The following RORA variants were observed in gnomAD, a reference collection of about 807,000 sequenced individuals.
RORA encodes the protein nuclear receptor ROR-alpha.
A neutral mutation model predicts 69.5 loss-of-function variants in RORA; 7 were observed. The observed-to-expected ratio is 0.10, with a 90% CI of 0.06 to 0.19. The LOEUF is 0.19. Among genes scored for constraint, RORA ranks in the 10% least tolerant of loss-of-function variants. The probability of loss-of-function intolerance (pLI) is 1.00; values close to 1 mark genes in which losing one functional copy is unlikely to be tolerated. For synonymous variants in RORA, 261 were observed against 240.8 expected (o/e 1.08, Z -0.78); for missense variants, 457 against 663.0 (o/e 0.69, Z 3.41).
Position 60,492,513 on chromosome 15 carries a change from A to G in RORA, c.*4942T>C, listed in dbSNP as rs551835779. 1 of 152,266 alleles carries G rather than the reference A, an allele frequency of 6.6e-6. No homozygotes were observed. The highest frequency in any genetic ancestry group is 1.5e-5 in the Non-Finnish European group (1 of 68,002). 9.4% of individuals were successfully genotyped at this position (152,266 alleles called of 1,614,324 possible). On this transcript the variant is annotated 3_prime_UTR_variant, in exon 11 of 11. Transcript: ENST00000335670. ...ACAATAGTTAATTGCTGGTATTTTAAAAACATATTTCATCTTTTACCTATA... is the reference window on the plus strand; with the variant it reads ...ACAATAGTTAATTGCTGGTATTTTAGAAACATATTTCATCTTTTACCTATA...
chr15:61,209,738 T>C (rs543929248), intron 1 of RORA, among the ~76,000 whole-genome samples: 38 of 152,336 alleles, frequency 2.5e-4, no homozygotes, highest in African/African-American at 8.7e-4. Flanking sequence ...TATAACTCAT[T>C]ACAGTGATCA....
intron 2 of RORA, among the ~76,000 whole-genome samples, chr15:60,598,896 C>G (rs2068755909): frequency 6.6e-6 from 1 of 152,176 alleles, no homozygotes; most frequent in Admixed American, 6.5e-5. Flanking sequence ...AGAGAAAGTT[C>G]TCATCCAATG....
In RORA at chr15:60,977,140, G is replaced by A. The variant is rs558234489; in HGVS notation, c.166+251913C>T. 1.8e-3 allele frequency among the ~76,000 whole-genome samples: 262 copies of A among 148,914 alleles called. 3 individuals carry two copies. The highest frequency in any genetic ancestry group is 0.014 in the South Asian group (66 of 4,726). On this transcript the variant is annotated intron_variant, in intron 1 of 10. Transcript: ENST00000335670. ...GAAAAAAAAAAAAAAAACCTATAGC[G>A]CCACCAACAATTAAATTATAAGATT...
chr15:61,115,638 A>G (rs1232991018), intron 1 of RORA, among the ~76,000 whole-genome samples: 1 of 152,190 alleles, frequency 6.6e-6, no homozygotes, highest in Non-Finnish European at 1.5e-5. Flanking sequence ...CTGGGAAGGA[A>G]AATGCCTCAG....
rs114088244 is a variant in RORA at position 61,201,291 on chromosome 15, G to A, written c.166+27762C>T. Among the ~76,000 whole-genome samples, 611 of 152,298 alleles carry A rather than the reference G, an allele frequency of 4.0e-3. 1 individual carries two copies. Among genetic ancestry groups the A allele is most frequent in the African/African-American group, 0.014 (593 of 41,554 alleles). ...ACCTGCTCCTCACTCAAAATAAAGG[G>A]AAAGAATTACACGCAGTTTCTTGTA... On this transcript the variant is annotated intron_variant, in intron 1 of 10. Coordinates refer to ENST00000335670, the MANE Select transcript of RORA (RefSeq NM_134261.3).
intron 1 of RORA, among the ~76,000 whole-genome samples, chr15:61,086,920 C>A (rs1010528402): frequency 1.3e-5 from 2 of 152,138 alleles, no homozygotes; most frequent in African/African-American, 4.8e-5. Flanking sequence ...CGCCTGGAAT[C>A]TCAATGCTTT....
At chr15:60,500,832 T>G (rs1595866304) in intron 9 of RORA, 127 bp downstream of exon 9, 1 of 513,266 alleles carries the variant, frequency 1.9e-6, no homozygotes, top group Non-Finnish European at 3.5e-6. Flanking sequence ...AAATCCAATT[T>G]AATAAGGGTG....
At chr15:60,800,659 T>A (rs1351257159) in intron 1 of RORA, among the ~76,000 whole-genome samples, 1 of 152,172 alleles carries the variant, frequency 6.6e-6, no homozygotes, top group Admixed American at 6.5e-5. Flanking sequence ...AGCCCGAGTG[T>A]CCTGGCTATA....
At chr15:60,532,758 G>A (rs550532141) in intron 2 of RORA, among the ~76,000 whole-genome samples, 1 of 152,298 alleles carries the variant, frequency 6.6e-6, no homozygotes, top group South Asian at 2.1e-4. Flanking sequence ...GACCAATGCT[G>A]AGCTGTATAG....
chr15:60,499,736 G>A (rs1293387273), intron 10 of RORA, among the ~76,000 whole-genome samples, 156 bp downstream of exon 10: 1 of 152,186 alleles, frequency 6.6e-6, no homozygotes, highest in Non-Finnish European at 1.5e-5. Flanking sequence ...TGGCTCAACA[G>A]AATTTTTTTG....
At chr15:60,535,349 G>C (rs1006819497) in intron 2 of RORA, among the ~76,000 whole-genome samples, 1 of 152,116 alleles carries the variant, frequency 6.6e-6, no homozygotes, top group Admixed American at 6.5e-5. Context: ...ATTCTAATTT[G>C]CCCACATTTT....
chr15:60,947,372 C>T (rs189819864), intron 1 of RORA, among the ~76,000 whole-genome samples: 1,606 of 152,278 alleles, frequency 0.011, 29 homozygotes, highest in African/African-American at 0.036. Flanking sequence ...CCTTGGGATG[C>T]TGTTGATCTT....
At chr15:60,938,809 T>C (rs1471939504) in intron 1 of RORA, among the ~76,000 whole-genome samples, 4 of 152,234 alleles carry the variant, frequency 2.6e-5, no homozygotes, top group African/African-American at 9.6e-5. Context: ...CAAATCTGCC[T>C]AGATCTGCCA....
chr15:60,548,945 ATGT>A (rs2067154179), intron 2 of RORA, among the ~76,000 whole-genome samples: 1 of 152,196 alleles, frequency 6.6e-6, no homozygotes, highest in Admixed American at 6.5e-5. Context: ...GTTTAAAATC[ATGT>A]TGTGGATAAA....
chr15:60,986,701 G>A (rs1471148331), intron 1 of RORA, among the ~76,000 whole-genome samples: 1 of 152,176 alleles, frequency 6.6e-6, no homozygotes, highest in South Asian at 2.1e-4. Flanking sequence ...AGATCATAAA[G>A]CACACATCAC....
At chr15:60,498,368 G>A (rs1051628820) in intron 10 of RORA, among the ~76,000 whole-genome samples, 1 of 152,142 alleles carries the variant, frequency 6.6e-6, no homozygotes, top group Non-Finnish European at 1.5e-5. Flanking sequence ...GGAAGTGATG[G>A]CATCCTCTAC....
intron 2 of RORA, among the ~76,000 whole-genome samples, chr15:60,649,582 C>T (rs2070109468): frequency 6.6e-6 from 1 of 152,176 alleles, no homozygotes; most frequent in Non-Finnish European, 1.5e-5. Flanking sequence ...TGTTGAAACA[C>T]ATTTGCCAGA....
In RORA at chr15:60,496,819, G is replaced by A. The variant is rs1273498140; in HGVS notation, c.*636C>T. 1 of 152,052 alleles carries A rather than the reference G, an allele frequency of 6.6e-6. No individual in the cohort carries two copies. Among genetic ancestry groups the A allele is most frequent in the Non-Finnish European group, 1.5e-5 (1 of 68,008 alleles). 9.4% of individuals were successfully genotyped at this position (152,052 alleles called of 1,614,324 possible). ...TGAAAGTGCCTTATCAATTCAACAG[G>A]AAAAGCTACACCAGTAACTACATTT... On this transcript the variant is annotated 3_prime_UTR_variant, in exon 11 of 11. Transcript: ENST00000335670. The surrounding 1 kb of genome is among the most constrained non-coding windows in gnomAD (Gnocchi z 4.5).
chr15:60,703,573 T>C (rs562906749), intron 1 of RORA, among the ~76,000 whole-genome samples: 3 of 152,252 alleles, frequency 2.0e-5, no homozygotes, highest in African/African-American at 7.2e-5. Context: ...GCAGCTTAGA[T>C]GGGGACAGTC....
Sources: allele counts gnomAD v4.1 joint callset (sites outside exome capture counted in the v4.1 genomes callset), GRCh38; gene constraint gnomAD v4.1.1; non-coding constraint Gnocchi (gnomAD v3.1); transcripts MANE v1.5; gene names NCBI Gene and HGNC (gene_info 2026-07-23, HGNC 2026-07-21).